TPR: variants seen among roughly 807,000 people sequenced by gnomAD.
TPR encodes translocated promoter region, nuclear basket protein.
A neutral mutation model predicts 316.1 loss-of-function variants in TPR; 51 were observed. That is an observed-to-expected ratio of 0.16 (90% CI 0.13 to 0.20). TPR has a LOEUF of 0.20. Among genes scored for constraint, TPR ranks in the 10% least tolerant of loss-of-function variants. The pLI is 1.00. For missense variants in TPR, 2,272 were observed against 2,754.8 expected (o/e 0.82, Z 3.92); for synonymous variants, 981 against 914.7 (o/e 1.07, Z -1.31).
chr1:186,363,092 ATT>A (rs1277907207), intron 5 of TPR, 91 bp from the exon 6 acceptor site: 1 of 1,347,050 alleles, frequency 7.4e-7, no homozygotes, highest in Non-Finnish European at 1.0e-6. Flanking sequence ...CACAAGCAGA[ATT>A]TTATTTCAAA....
intron 30 of TPR, 139 bp from the exon 31 acceptor site, chr1:186,338,382 G>C: frequency 4.5e-6 from 3 of 662,106 alleles, no homozygotes; most frequent in Non-Finnish European, 7.4e-6. Flanking sequence ...ATACTTCAAA[G>C]GTAAGACCTT....
Position 186,362,274 on chromosome 1 carries a change from A to G in TPR, c.789+14T>C, listed in dbSNP as rs543117367. On this transcript the variant is annotated intron_variant, in intron 7 of 50. Coordinates refer to ENST00000367478, the MANE Select transcript of TPR (RefSeq NM_003292.3). ...AGTATTTTGTAAAAAAGACATTTTA[A>G]TGGTCATATATACCTCTTTTAATTT... 44 of 1,585,400 alleles carry G rather than the reference A, an allele frequency of 2.8e-5. No homozygotes were observed. The highest frequency in any genetic ancestry group is 3.6e-5 in the Non-Finnish European group (42 of 1,164,114).
intron 39 of TPR, among the ~76,000 whole-genome samples, chr1:186,331,078 G>T (rs1449661707): frequency 6.6e-6 from 1 of 152,020 alleles, no homozygotes; most frequent in Non-Finnish European, 1.5e-5. Flanking sequence ...ATCAAAAAAT[G>T]AAGAGGTATA....
intron 14 of TPR, 190 bp from the exon 15 acceptor site, chr1:186,356,639 A>G (rs1253645746): frequency 2.2e-5 from 11 of 494,820 alleles, no homozygotes; most frequent in Non-Finnish European, 3.9e-5. Context: ...TCAGGTACTT[A>G]TACTTACCAA....
intron 20 of TPR, among the ~76,000 whole-genome samples, chr1:186,350,784 G>C (rs558683066): frequency 1.3e-5 from 2 of 152,206 alleles, no homozygotes; most frequent in Non-Finnish European, 2.9e-5. Context: ...GAGCTCTACA[G>C]AGGGTCCTCC....
intron 25 of TPR, 41 bp downstream of exon 25, chr1:186,344,334 T>A (rs370709644): frequency 1.3e-6 from 2 of 1,587,552 alleles, no homozygotes; most frequent in African/African-American, 2.7e-5. Flanking sequence ...AAACAACTCT[T>A]TCAATTCAAC....
chr1:186,352,996 AT>A (rs1203212893), intron 18 of TPR, among the ~76,000 whole-genome samples: 1 of 152,254 alleles, frequency 6.6e-6, no homozygotes, highest in Non-Finnish European at 1.5e-5. Flanking sequence ...GGACATTTAT[AT>A]TCAAGTTAAA....
At chr1:186,332,073 A>G in intron 38 of TPR, 122 bp downstream of exon 38, 1 of 1,063,878 alleles carries the variant, frequency 9.4e-7, no homozygotes, top group Non-Finnish European at 1.3e-6. Flanking sequence ...AAAGTTCAAT[A>G]AAAGTGTTTT....
At chr1:186,372,199 T>C (rs1224792013) in intron 2 of TPR, among the ~76,000 whole-genome samples, 1 of 152,274 alleles carries the variant, frequency 6.6e-6, no homozygotes, top group Non-Finnish European at 1.5e-5. Context: ...CATTTGATTA[T>C]GAACTTCCTG....
At chr1:186,345,774 AT>A in intron 23 of TPR, 78 bp from the exon 24 acceptor site, 1 of 1,035,230 alleles carries the variant, frequency 9.7e-7, no homozygotes, top group Non-Finnish European at 1.4e-6. Flanking sequence ...GTGTTACTAA[AT>A]TGAAGTCTCA....
At chr1:186,323,054 C>T (rs185482775) in intron 43 of TPR, among the ~76,000 whole-genome samples, 60 of 152,180 alleles carry the variant, frequency 3.9e-4, no homozygotes, top group African/African-American at 1.4e-3. Context: ...AAGTTATTTT[C>T]ACTAGTGGTA....
At chr1:186,358,744 C>T in intron 12 of TPR, 94 bp from the exon 13 acceptor site, 1 of 923,900 alleles carries the variant, frequency 1.1e-6, no homozygotes, top group Non-Finnish European at 1.7e-6. Flanking sequence ...CACCAGTAAT[C>T]AACTTATACA....
rs761710918 is a variant in TPR at position 186,338,125 on chromosome 1, T to C, written c.4270A>G (p.Ile1424Val). The change falls in exon 31 of 51, where the codon ATC becomes GTC. Residue 1424 changes from isoleucine (I) to valine (V), a missense_variant. Physicochemically the swap from Ile to Val is conservative, Grantham distance 29. Transcript: ENST00000367478. ...GTAATAGTTTTGACTTTTTCTTGGATATCAATTATTTTGGCATCTAAGTCC... is the reference window on the plus strand; with the variant it reads ...GTAATAGTTTTGACTTTTTCTTGGACATCAATTATTTTGGCATCTAAGTCC... ...QKDLDAKIID[I>V]QEKVKTITQV... The C allele has an allele frequency of 4.0e-5, 64 of 1,612,940 alleles. No homozygotes were observed. The East Asian group carries it at 1.4e-3, about 36-fold the overall frequency.
intron 37 of TPR, 125 bp downstream of exon 37, chr1:186,332,997 T>C: frequency 2.6e-6 from 3 of 1,149,130 alleles, no homozygotes; most frequent in Non-Finnish European, 3.6e-6. Context: ...CAAGATATTA[T>C]AATTGCGTAG....
intron 2 of TPR, among the ~76,000 whole-genome samples, chr1:186,372,359 T>C (rs887268191): frequency 3.3e-5 from 5 of 152,164 alleles, no homozygotes; most frequent in Admixed American, 2.0e-4. Context: ...CTGGCCAACA[T>C]GGCGAACCAC....
intron 43 of TPR, 28 bp from the exon 44 acceptor site, chr1:186,322,614 T>G (rs1220239035): frequency 1.9e-6 from 3 of 1,612,622 alleles, no homozygotes; most frequent in Non-Finnish European, 2.5e-6. Context: ...GGAATTACAT[T>G]TGCTTTAAGA....
chr1:186,316,969 G>C (rs1439111011), intron 49 of TPR, among the ~76,000 whole-genome samples: 1 of 152,170 alleles, frequency 6.6e-6, no homozygotes, highest in Non-Finnish European at 1.5e-5. Flanking sequence ...CTCTGAAACT[G>C]TTTACATCAG....
At position 186,326,027 on chromosome 1, in the gene TPR, T is replaced by C. The variant is rs181997285; in HGVS notation, c.6021+77A>G. The C allele has an allele frequency of 1.6e-4, 256 of 1,597,808 alleles. 1 individual carries two copies. The East Asian group carries it at 3.6e-3, about 22-fold the overall frequency. On this transcript the variant is annotated intron_variant, in intron 41 of 50. Transcript: ENST00000367478. ...GGTTTTAGTGAATTTCATAAGCCTTTCTATATCCTTGGAAAACAGCAAGTG... is the reference window on the plus strand; with the variant it reads ...GGTTTTAGTGAATTTCATAAGCCTTCCTATATCCTTGGAAAACAGCAAGTG...
intron 19 of TPR, 55 bp from the exon 20 acceptor site, chr1:186,351,525 A>G: frequency 6.7e-7 from 1 of 1,497,546 alleles, no homozygotes; most frequent in South Asian, 1.5e-5. Context: ...ATACAAAAAA[A>G]TAAAAATTGA....
Sources: allele counts gnomAD v4.1 joint callset (sites outside exome capture counted in the v4.1 genomes callset), GRCh38; gene constraint gnomAD v4.1.1; transcripts MANE v1.5; gene names NCBI Gene and HGNC (gene_info 2026-07-23, HGNC 2026-07-21).